HDAC9: variants seen among roughly 807,000 people sequenced by gnomAD.
HDAC9 encodes histone deacetylase 9, also known as MEF-2 interacting transcription repressor (MITR) protein.
HDAC9 carries 41 observed loss-of-function variants against 139.4 expected under a neutral mutation model. That is an observed-to-expected ratio of 0.29 (90% CI 0.23 to 0.38). The LOEUF (loss-of-function observed/expected upper bound fraction) is 0.38. Ranked by LOEUF, HDAC9 falls within the 10% of genes least tolerant of loss-of-function variation. HDAC9 has a pLI of 1.00. For missense variants in HDAC9, 1,147 were observed against 1,297.0 expected (o/e 0.88, Z 1.78); for synonymous variants, 517 against 476.2 (o/e 1.09, Z -1.12).
intron 1 of HDAC9, chr7:18,127,071 G>A (rs1784718114): frequency 6.1e-6 from 1 of 163,178 alleles, no homozygotes; most frequent in African/African-American, 2.4e-5. Context: ...GTGATTCTCA[G>A]AGAATTTAAA....
intron 1 of HDAC9, among the ~76,000 whole-genome samples, chr7:18,358,641 A>G (rs568026425): frequency 8.5e-5 from 13 of 152,348 alleles, no homozygotes; most frequent in African/African-American, 1.2e-4. Flanking sequence ...CTTTGATATC[A>G]TTGTTAGGAA....
intron 1 of HDAC9, among the ~76,000 whole-genome samples, chr7:18,451,401 GTATATA>G (rs1554422578): frequency 2.1e-4 from 29 of 135,208 alleles, no homozygotes; most frequent in Non-Finnish European, 4.1e-4. Flanking sequence ...GTGTGTGTGT[GTATATA>G]TGTGTGTGTG....
At chr7:18,365,074 T>A (rs1784075378) in intron 1 of HDAC9, among the ~76,000 whole-genome samples, 1 of 152,048 alleles carries the variant, frequency 6.6e-6, no homozygotes, top group Non-Finnish European at 1.5e-5. Context: ...GCTGGTAAGT[T>A]TCAGAAAAAC....
intron 14 of HDAC9, 65 bp from the exon 15 acceptor site, chr7:18,762,092 T>TG: frequency 1.3e-6 from 2 of 1,556,640 alleles, no homozygotes; most frequent in Non-Finnish European, 1.8e-6. Context: ...AAATGTGACT[T>TG]GGGGTCTCAT....
At chr7:18,849,044 T>A (rs1173401611) in intron 21 of HDAC9, among the ~76,000 whole-genome samples, 1 of 152,180 alleles carries the variant, frequency 6.6e-6, no homozygotes, top group Non-Finnish European at 1.5e-5. Context: ...AGAACACAGT[T>A]TGAAAAATTC....
intron 6 of HDAC9, among the ~76,000 whole-genome samples, chr7:18,595,546 C>A (rs1414513433): frequency 6.6e-6 from 1 of 151,976 alleles, no homozygotes; most frequent in African/African-American, 2.4e-5. Flanking sequence ...TATGCAGATA[C>A]TACCCCAGGT....
intron 1 of HDAC9, among the ~76,000 whole-genome samples, chr7:18,095,482 A>G (rs1437372733): frequency 6.6e-6 from 1 of 152,120 alleles, no homozygotes; most frequent in Non-Finnish European, 1.5e-5. Context: ...TCTTGCAATT[A>G]CCCTGTGGCT....
intron 1 of HDAC9, among the ~76,000 whole-genome samples, chr7:18,336,916 G>A (rs1164752141): frequency 6.6e-6 from 1 of 151,538 alleles, no homozygotes; most frequent in Non-Finnish European, 1.5e-5. Flanking sequence ...AACTAATTTT[G>A]TCAGGATATA....
intron 1 of HDAC9, among the ~76,000 whole-genome samples, chr7:18,292,773 G>A (rs55744175): frequency 0.2 from 30,943 of 152,008 alleles, 3,230 homozygotes; most frequent in Non-Finnish European, 0.22. Context: ...ACATTGATGC[G>A]CTGCAGAAAT....
At chr7:18,923,816 C>G (rs1036885336) in intron 22 of HDAC9, among the ~76,000 whole-genome samples, 2 of 152,036 alleles carry the variant, frequency 1.3e-5, no homozygotes, top group Non-Finnish European at 2.9e-5. Flanking sequence ...GTAGGAAAAT[C>G]ATGCAAGATA....
At chr7:18,090,171 T>G (rs562064402) in intron 1 of HDAC9, among the ~76,000 whole-genome samples, 8 of 152,212 alleles carry the variant, frequency 5.3e-5, no homozygotes, top group Admixed American at 2.0e-4. Context: ...TACACTGATA[T>G]ACCCAACGTT....
intron 14 of HDAC9, among the ~76,000 whole-genome samples, chr7:18,752,074 T>C (rs1244998223): frequency 1.3e-5 from 2 of 152,200 alleles, no homozygotes; most frequent in Non-Finnish European, 2.9e-5. Context: ...TAAGCCATCT[T>C]ACAAAGATGC....
At chr7:18,181,970 A>C (rs1789473017) in intron 2 of HDAC9, among the ~76,000 whole-genome samples, 1 of 152,226 alleles carries the variant, frequency 6.6e-6, no homozygotes, top group African/African-American at 2.4e-5. Flanking sequence ...TGAAGACGGA[A>C]GTGTTTGAAA....
At chr7:18,363,569 C>G (rs181763905) in intron 1 of HDAC9, among the ~76,000 whole-genome samples, 2 of 152,224 alleles carry the variant, frequency 1.3e-5, no homozygotes, top group African/African-American at 4.8e-5. Context: ...CTAAGTTAGA[C>G]TTGATTTTGA....
chr7:18,327,952 T>G (rs569372132), intron 1 of HDAC9, among the ~76,000 whole-genome samples: 1 of 152,116 alleles, frequency 6.6e-6, no homozygotes, highest in Non-Finnish European at 1.5e-5. Context: ...TAAGGTGGCT[T>G]TCAGCAATAG....
At chr7:18,443,529 TGTTA>T (rs1791987649) in intron 1 of HDAC9, among the ~76,000 whole-genome samples, 1 of 152,190 alleles carries the variant, frequency 6.6e-6, no homozygotes, top group Non-Finnish European at 1.5e-5. Flanking sequence ...TCTTTTCAAT[TGTTA>T]GTTATGGTCC....
intron 7 of HDAC9, among the ~76,000 whole-genome samples, chr7:18,629,823 G>A (rs1350829185): frequency 6.6e-6 from 1 of 152,088 alleles, no homozygotes; most frequent in Non-Finnish European, 1.5e-5. Flanking sequence ...AATGAGCAGA[G>A]GGAGGTCCAA....
At chr7:18,460,639 C>T (rs979661849) in intron 1 of HDAC9, among the ~76,000 whole-genome samples, 11 of 151,630 alleles carry the variant, frequency 7.3e-5, no homozygotes, top group African/African-American at 1.9e-4. Flanking sequence ...ACAAAATTAG[C>T]GAGGCGTGGT....
intron 2 of HDAC9, among the ~76,000 whole-genome samples, chr7:18,513,153 A>C (rs1802076235): frequency 6.6e-6 from 1 of 152,188 alleles, no homozygotes; most frequent in Non-Finnish European, 1.5e-5. Context: ...TGCAGGTTAC[A>C]ATTTAAATTT....
Sources: allele counts gnomAD v4.1 joint callset (sites outside exome capture counted in the v4.1 genomes callset), GRCh38; gene constraint gnomAD v4.1.1; transcripts MANE v1.5; gene names NCBI Gene and HGNC (gene_info 2026-07-23, HGNC 2026-07-21).